The following LAMA1 variants were observed in gnomAD, a reference collection of about 807,000 sequenced individuals.
The protein encoded by LAMA1 is laminin subunit alpha 1.
A neutral mutation model predicts 348.7 loss-of-function variants in LAMA1; 219 were observed. The observed-to-expected ratio is 0.63, with a 90% CI of 0.56 to 0.70. LAMA1 has a LOEUF of 0.70. LAMA1 is among the 30% of genes least tolerant of loss of function. The probability of loss-of-function intolerance (pLI) is 0.00; values close to 1 mark genes in which losing one functional copy is unlikely to be tolerated. For missense variants in LAMA1, 3,744 were observed against 3,888.0 expected (o/e 0.96, Z 0.99); for synonymous variants, 1,487 against 1,491.0 (o/e 1.00, Z 0.06).
chr18:7,079,714 G>A (rs904086342), intron 3 of LAMA1: 6 of 499,216 alleles, frequency 1.2e-5, no homozygotes, highest in African/African-American at 5.8e-5. Context: ...ATGGATGAGT[G>A]TGCCCTGTTG....
intron 49 of LAMA1, 75 bp downstream of exon 49, chr18:6,966,072 A>G: frequency 6.5e-7 from 1 of 1,534,826 alleles, no homozygotes; most frequent in East Asian, 2.3e-5. Context: ...GTAAATCCTC[A>G]TTAAACATAA....
rs763175540 is a variant in LAMA1, at chr18:6,983,086, C to T, written c.5796+13G>A. 7 of 1,614,016 alleles carry T rather than the reference C, an allele frequency of 4.3e-6. No individual in the cohort carries two copies. Among genetic ancestry groups the T allele is most frequent in the East Asian group, 2.2e-5 (1 of 44,854 alleles). ...CCACAGAGCCCAGAAAAAGAAGCCACGTCGTTTCCTACCAGGCTCGTCTCA... is the reference window on the plus strand; with the variant it reads ...CCACAGAGCCCAGAAAAAGAAGCCATGTCGTTTCCTACCAGGCTCGTCTCA... On this transcript the variant is annotated intron_variant, in intron 40 of 62. Coordinates refer to ENST00000389658, the MANE Select transcript of LAMA1 (RefSeq NM_005559.4).
intron 1 of LAMA1, among the ~76,000 whole-genome samples, chr18:7,083,333 G>A (rs544896928): frequency 2.4e-4 from 37 of 151,414 alleles, no homozygotes; most frequent in Middle Eastern, 3.4e-3. Context: ...TTACACATGC[G>A]CACCACCACG....
In LAMA1 at chr18:6,980,559, G is replaced by C. The variant is rs1240169429; in HGVS notation, c.5969C>G (p.Thr1990Ser). The change falls in exon 42 of 63, where the codon ACC becomes AGC. Residue 1990 changes from threonine (T) to serine (S), a missense_variant. By Grantham distance (58) the Thr-to-Ser change is moderately conservative (BLOSUM62 1). Transcript: ENST00000389658. ...TCTAAGTATCAAGAGTGATTCATTG[G>C]TTTGCCTGGTAATTTCAACAGCATT... ...QENAVEITRQ[T>S]NESLLILRAI... is the part of the protein sequence containing the mutation. The C allele has an allele frequency of 1.2e-6, 2 of 1,612,986 alleles. No individual in the cohort carries two copies. The highest frequency in any genetic ancestry group is 1.3e-5 in the African/African-American group (1 of 74,888).
chr18:7,117,694 C>G lies in LAMA1; in HGVS notation c.27G>C (p.Leu9Phe). Residue 9 changes from leucine (L) to phenylalanine (F), a missense_variant, in exon 1 of 63, where the codon TTG (leucine) becomes TTC (phenylalanine). Around this residue, in one of 3 missense-constraint regions of LAMA1, gnomAD observed 1,529 missense variants for 1,689.4 expected, o/e 0.91. Transcript: ENST00000389658. The stretch of plus-strand genomic sequence containing the variant: ...GGCACTGCGCGGCGACACACAGCAG[C>G]AAGACCAGGAGCACGCCCCCGCGCA... MRGGVLLV[L>F]LLCVAAQCRQ... 1 of 1,599,174 alleles carries G rather than the reference C, an allele frequency of 6.3e-7. No homozygotes were observed. Among genetic ancestry groups the G allele is most frequent in the Non-Finnish European group, 8.5e-7 (1 of 1,178,672 alleles).
chr18:6,947,003 A>T (rs576059953), intron 61 of LAMA1, among the ~76,000 whole-genome samples, 160 bp downstream of exon 61: 4 of 152,248 alleles, frequency 2.6e-5, no homozygotes, highest in Non-Finnish European at 5.9e-5. Context: ...AAAATAAACC[A>T]AAAAGGTTTT....
intron 3 of LAMA1, among the ~76,000 whole-genome samples, chr18:7,068,016 G>C (rs1212246692): frequency 6.6e-6 from 1 of 152,116 alleles, no homozygotes; most frequent in African/African-American, 2.4e-5. Flanking sequence ...ACCATGCCTG[G>C]CTAATTTTGT....
chr18:7,114,903 A>G (rs1332459909), intron 1 of LAMA1, among the ~76,000 whole-genome samples: 1 of 152,228 alleles, frequency 6.6e-6, no homozygotes, highest in African/African-American at 2.4e-5. Flanking sequence ...GGCACAAGAC[A>G]CTAAAGATCA....
rs1600380319 is a variant in LAMA1, at chr18:6,995,484, A to G, written c.4807-38T>C. 2.8e-6 allele frequency: 3 copies of G among 1,078,984 alleles called. No homozygotes were observed. The East Asian group carries it at 7.1e-5, about 25-fold the overall frequency. 66.8% of individuals were successfully genotyped at this position (1,078,984 alleles called of 1,614,324 possible). A position where few individuals can be genotyped will look rare whatever the true frequency, so the allele number is the denominator to read the frequency against. ...GAGGAAACAAATTACAATGCTTCGAAGTAAAATGTTCTGATTCTTAACTAA... is the reference window on the plus strand; with the variant it reads ...GAGGAAACAAATTACAATGCTTCGAGGTAAAATGTTCTGATTCTTAACTAA... On this transcript the variant is annotated intron_variant, in intron 33 of 62. Coordinates refer to ENST00000389658, the MANE Select transcript of LAMA1 (RefSeq NM_005559.4).
chr18:7,061,829 G>T (rs1407865600), intron 3 of LAMA1, among the ~76,000 whole-genome samples: 1 of 152,180 alleles, frequency 6.6e-6, no homozygotes, highest in Non-Finnish European at 1.5e-5. Flanking sequence ...GGTGCTTGTG[G>T]ACCCACCCTG....
intron 30 of LAMA1, among the ~76,000 whole-genome samples, chr18:7,001,895 C>A (rs900265506): frequency 6.6e-6 from 1 of 152,186 alleles, no homozygotes; most frequent in African/African-American, 2.4e-5. Context: ...CTTATATAAA[C>A]TCTAACCCCA....
At chr18:6,989,204 G>C (rs2144066772) in intron 36 of LAMA1, among the ~76,000 whole-genome samples, 1 of 152,280 alleles carries the variant, frequency 6.6e-6, no homozygotes, top group African/African-American at 2.4e-5. Context: ...TTCTTGCTGG[G>C]GGAGGAGTGC....
chr18:7,085,696 G>T (rs929698667), intron 1 of LAMA1, among the ~76,000 whole-genome samples: 3 of 152,064 alleles, frequency 2.0e-5, no homozygotes, highest in Non-Finnish European at 2.9e-5. Context: ...GGGATTACAG[G>T]CGTGAGCCAC....
chr18:7,008,489 T>C lies in LAMA1; in HGVS notation c.4121A>G (p.Gln1374Arg), dbSNP rs1400960770. ...AGATTTCGACTAGAGTCTCCGTACC[T>C]GACATGAGAATCCCACAGTGCCAGG... Reference protein sequence around the residue: ...CPPGTVGFSCQDCAPGYHRGK... With the variant: ...CPPGTVGFSCRDCAPGYHRGK... The change falls in exon 28 of 63, where the codon CAG becomes CGG. Residue 1374 changes from glutamine (Q) to arginine (R), a missense_variant and splice_region_variant. This residue lies in a region of LAMA1 where 1,983 missense variants were observed against 1,934.3 expected (regional missense o/e 1.03). Transcript: ENST00000389658. 4.3e-6 allele frequency: 7 copies of C among 1,614,018 alleles called. No homozygotes were observed. Among genetic ancestry groups the C allele is most frequent in the Non-Finnish European group, 5.9e-6 (7 of 1,179,932 alleles).
intron 1 of LAMA1, among the ~76,000 whole-genome samples, chr18:7,093,038 G>A (rs1177134314): frequency 2.0e-5 from 3 of 152,164 alleles, no homozygotes; most frequent in Admixed American, 6.5e-5. Flanking sequence ...CCGAATTGAG[G>A]AGCAGAGAAC....
chr18:6,993,826 T>A, intron 34 of LAMA1, 74 bp from the exon 35 acceptor site: 1 of 856,956 alleles, frequency 1.2e-6, no homozygotes, highest in Non-Finnish European at 2.0e-6. Context: ...ACGCAAGTTG[T>A]AATATTCCAC....
chr18:7,045,076 A>C (rs1316145067), intron 6 of LAMA1, among the ~76,000 whole-genome samples: 1 of 150,218 alleles, frequency 6.7e-6, no homozygotes, highest in Non-Finnish European at 1.5e-5. Flanking sequence ...TTAGCTAATA[A>C]AAACTTTTTT....
chr18:7,002,480 C>A, intron 29 of LAMA1, 95 bp from the exon 30 acceptor site: 1 of 1,296,556 alleles, frequency 7.7e-7, no homozygotes, highest in Non-Finnish European at 1.1e-6. Flanking sequence ...CGTTTTATAT[C>A]AGCTAGCTTT....
In LAMA1 at chr18:6,977,091, G is replaced by A. The variant is rs114826443; in HGVS notation, c.6345+636C>T. On this transcript the variant is annotated intron_variant, in intron 44 of 62. Coordinates refer to ENST00000389658, the MANE Select transcript of LAMA1 (RefSeq NM_005559.4). ...GCCCAGAGGCTGCATTCATCCTCTCGAAGTCCCCAATCACATGACGACTGC... is the reference window on the plus strand; with the variant it reads ...GCCCAGAGGCTGCATTCATCCTCTCAAAGTCCCCAATCACATGACGACTGC... 4.5e-3 allele frequency among the ~76,000 whole-genome samples: 678 copies of A among 152,212 alleles called. 5 individuals carry two copies. The highest frequency in any genetic ancestry group is 0.016 in the African/African-American group (655 of 41,512).
Sources: gnomAD v4.1 joint callset for allele counts (sites outside exome capture counted in the v4.1 genomes callset) on GRCh38, gnomAD v4.1.1 for gene constraint, gnomAD v4.1.1 regional missense constraint, MANE v1.5 for transcripts, NCBI Gene and HGNC (gene_info 2026-07-23, HGNC 2026-07-21) for gene names.